The following ZNF608 variants were observed in gnomAD, a reference collection of about 807,000 sequenced individuals.
The protein encoded by ZNF608 is renal carcinoma antigen NY-REN-36.
In ZNF608, 12 loss-of-function variants were observed where a neutral mutation model predicts 109.0. The ratio of observed to expected loss-of-function variants is 0.11; its 90% CI spans 0.07 to 0.18. The LOEUF (loss-of-function observed/expected upper bound fraction) is 0.18, where lower values mean the gene tolerates loss of function less well. ZNF608 is among the 10% of genes least tolerant of loss of function. The probability of loss-of-function intolerance (pLI) is 1.00; values close to 1 mark genes in which losing one functional copy is unlikely to be tolerated. For missense variants in ZNF608, 1,707 were observed against 1,879.3 expected, an observed-to-expected ratio of 0.91 and a Z score of 1.70; for synonymous variants, 732 against 717.4, an observed-to-expected ratio of 1.02 and a Z score of -0.33.
intron 6 of ZNF608, 38 bp downstream of exon 6, chr5:124,644,206 C>T: frequency 6.6e-7 from 1 of 1,516,956 alleles, no homozygotes; most frequent in Non-Finnish European, 8.9e-7. Context: ...TGAACATCGC[C>T]TCTTTCCTCC....
intron 3 of ZNF608, among the ~76,000 whole-genome samples, chr5:124,668,400 A>G (rs2149811100): frequency 6.6e-6 from 1 of 151,676 alleles, no homozygotes; most frequent in South Asian, 2.1e-4. Flanking sequence ...CACACAGAAA[A>G]AAAAAAATCA....
At chr5:124,697,288 T>C (rs1752888789) in intron 3 of ZNF608, among the ~76,000 whole-genome samples, 2 of 148,954 alleles carry the variant, frequency 1.3e-5, no homozygotes, top group Non-Finnish European at 3.0e-5. Context: ...AACACATTCA[T>C]AAAGGCTAAA....
intron 2 of ZNF608, among the ~76,000 whole-genome samples, chr5:124,704,770 C>T (rs528239516): frequency 3.9e-5 from 6 of 152,064 alleles, no homozygotes; most frequent in South Asian, 4.1e-4. Context: ...TTTGTGCTTC[C>T]ACCCTCTGCC....
chr5:124,719,672 G>T (rs753581840), intron 2 of ZNF608, among the ~76,000 whole-genome samples: 1 of 152,128 alleles, frequency 6.6e-6, no homozygotes, highest in African/African-American at 2.4e-5. Flanking sequence ...CTTTATGTGG[G>T]GATCAAAGAT....
intron 2 of ZNF608, among the ~76,000 whole-genome samples, chr5:124,717,403 G>A (rs900996218): frequency 6.6e-6 from 1 of 152,054 alleles, no homozygotes; most frequent in Admixed American, 6.5e-5. Context: ...CCCAAGAGGC[G>A]GAAATTGCAG....
At chr5:124,704,667 C>G (rs1753187551) in intron 2 of ZNF608, among the ~76,000 whole-genome samples, 1 of 152,024 alleles carries the variant, frequency 6.6e-6, no homozygotes, top group Non-Finnish European at 1.5e-5. Flanking sequence ...ATTATGTGCT[C>G]TCCTGGGCCC....
chr5:124,727,741 T>G, intron 2 of ZNF608, among the ~76,000 whole-genome samples: 1 of 146,864 alleles, frequency 6.8e-6, no homozygotes, highest in Admixed American at 6.7e-5. Flanking sequence ...TCCTTTTTTT[T>G]TTTTTTTTTT....
chr5:124,705,980 A>C (rs1753243845), intron 2 of ZNF608, among the ~76,000 whole-genome samples: 1 of 152,212 alleles, frequency 6.6e-6, no homozygotes, highest in Non-Finnish European at 1.5e-5. Context: ...AGTGGCCCAA[A>C]CAGACCAGGT....
Position 124,727,256 on chromosome 5 carries a change from C to A in ZNF608, c.906+16828G>T, listed in dbSNP as rs569040218. Among the ~76,000 whole-genome samples, 12 of 152,290 alleles carry A rather than the reference C, an allele frequency of 7.9e-5. No individual in the cohort carries two copies. In the South Asian group the frequency reaches 2.5e-3, roughly 32 times the overall value. On this transcript the variant is annotated intron_variant, in intron 2 of 9. Coordinates refer to ENST00000513986, the MANE Select transcript of ZNF608 (RefSeq NM_020747.3). Reference sequence around the variant, plus strand: ...TGTCAACTCTAAAACCCTCTCCTCTCCCCAAGTCAAGGCTTCAGAGGAAAT... The same window carrying A: ...TGTCAACTCTAAAACCCTCTCCTCTACCCAAGTCAAGGCTTCAGAGGAAAT...
intron 2 of ZNF608, among the ~76,000 whole-genome samples, chr5:124,739,795 A>T (rs1445954392): frequency 1.3e-5 from 2 of 152,326 alleles, no homozygotes; most frequent in East Asian, 1.9e-4. Flanking sequence ...AATCGCAGCC[A>T]TTCAATCCCT....
At chr5:124,716,839 T>C (rs1753722679) in intron 2 of ZNF608, among the ~76,000 whole-genome samples, 1 of 152,158 alleles carries the variant, frequency 6.6e-6, no homozygotes, top group Non-Finnish European at 1.5e-5. Flanking sequence ...TTCCAGCAGT[T>C]TGGGAGGCCG....
intron 2 of ZNF608, among the ~76,000 whole-genome samples, chr5:124,732,760 C>G (rs1318340119): frequency 2.0e-5 from 3 of 151,950 alleles, no homozygotes; most frequent in Non-Finnish European, 4.4e-5. Context: ...AAGCTCTACC[C>G]CAACCACCCT....
intron 2 of ZNF608, among the ~76,000 whole-genome samples, chr5:124,743,549 T>C (rs1332390122): frequency 6.6e-6 from 1 of 151,912 alleles, no homozygotes; most frequent in Non-Finnish European, 1.5e-5. Context: ...TTGGAGACAG[T>C]AAGAAAAAAT....
At chr5:124,694,810 A>T (rs1316954270) in intron 3 of ZNF608, among the ~76,000 whole-genome samples, 4 of 149,548 alleles carry the variant, frequency 2.7e-5, no homozygotes, top group Non-Finnish European at 5.9e-5. Context: ...TATGAGTGAG[A>T]ACATGCGGTG....
At chr5:124,724,482 G>A (rs566376891) in intron 2 of ZNF608, among the ~76,000 whole-genome samples, 5 of 119,116 alleles carry the variant, frequency 4.2e-5, no homozygotes, top group East Asian at 5.2e-4. Context: ...AACCCAGGGA[G>A]TATGCAAAGA....
At chr5:124,638,254 G>GT (rs11304171) in intron 9 of ZNF608, among the ~76,000 whole-genome samples, 2,857 of 145,396 alleles carry the variant, frequency 0.02, 78 homozygotes, top group African/African-American at 0.064. Flanking sequence ...CCGGCCAACA[G>GT]TTTTTTTTTT....
rs932533939 is a variant in ZNF608 at position 124,718,093 on chromosome 5, T to C, written c.907-16824A>G. 7.9e-5 allele frequency among the ~76,000 whole-genome samples: 12 copies of C among 152,184 alleles called. No individual in the cohort carries two copies. In the East Asian group the frequency reaches 2.1e-3, roughly 27 times the overall value. ...CACATTCTGCAAACTTCCTTGCTGGTGGCCTCTTCTCTTCTTCTTTCAAAG... is the reference window on the plus strand; with the variant it reads ...CACATTCTGCAAACTTCCTTGCTGGCGGCCTCTTCTCTTCTTCTTTCAAAG... On this transcript the variant is annotated intron_variant, in intron 2 of 9. Transcript: ENST00000513986.
rs780894100 is a variant in ZNF608, at chr5:124,641,371, T to C, written c.4331A>G (p.Glu1444Gly). The change falls in exon 8 of 10, where the codon GAG becomes GGG. Residue 1444 changes from glutamate to glycine, a missense_variant. By Grantham distance (98) the Glu-to-Gly change is moderately conservative (BLOSUM62 -2). Coordinates refer to ENST00000513986, the MANE Select transcript of ZNF608 (RefSeq NM_020747.3). ...VEKATAEREREAERERDRHSP... is the reference protein window; with the variant it reads ...VEKATAERERGAERERDRHSP... ...GTGGCGATCCCTTTCCCTTTCTGCC[T>C]CCCGTTCCCGCTCAGCTGTAGCCTT... 1 of 1,613,986 alleles carries C rather than the reference T, an allele frequency of 6.2e-7. No individual in the cohort carries two copies. Among genetic ancestry groups the C allele is most frequent in the South Asian group, 1.1e-5 (1 of 91,056 alleles).
rs576682705 is a variant in ZNF608, at chr5:124,703,994, C to T, written c.907-2725G>A. 2.6e-5 allele frequency among the ~76,000 whole-genome samples: 4 copies of T among 152,170 alleles called. No individual in the cohort carries two copies. The South Asian group carries it at 8.3e-4, about 32-fold the overall frequency. On this transcript the variant is annotated intron_variant, in intron 2 of 9. Coordinates refer to ENST00000513986, the MANE Select transcript of ZNF608 (RefSeq NM_020747.3). ...ATCTGGATGCCTTGAGGGGAGAAGC[C>T]AGAGTACTCTGGGCCTACTTGTAAG... is the stretch of plus-strand genomic sequence containing the variant.
Sources: allele counts gnomAD v4.1 joint callset (sites outside exome capture counted in the v4.1 genomes callset), GRCh38; gene constraint gnomAD v4.1.1; transcripts MANE v1.5; gene names NCBI Gene and HGNC (gene_info 2026-07-23, HGNC 2026-07-21).